The following ATF2 variants were observed in gnomAD, a reference collection of about 807,000 sequenced individuals.
The protein encoded by ATF2 is activating transcription factor 2.
In ATF2, 24 loss-of-function variants were observed where a neutral mutation model predicts 60.6. The ratio of observed to expected loss-of-function variants is 0.40; its 90% CI spans 0.29 to 0.56. The LOEUF (loss-of-function observed/expected upper bound fraction) is 0.56, where lower values mean the gene tolerates loss of function less well. Ranked by LOEUF, ATF2 falls within the 20% of genes least tolerant of loss-of-function variation. The pLI, the probability that ATF2 is intolerant of heterozygous loss-of-function variation, is 0.54. For missense variants in ATF2, 433 were observed against 607.7 expected (o/e 0.71, Z 3.02); for synonymous variants, 206 against 215.4 (o/e 0.96, Z 0.38).
intron 10 of ATF2, among the ~76,000 whole-genome samples, chr2:175,110,753 G>A (rs1336493191): frequency 3.9e-5 from 6 of 152,056 alleles, no homozygotes; most frequent in Admixed American, 3.9e-4. Context: ...TTACAGGCAT[G>A]CACCACCACG....
At chr2:175,114,269 T>A (rs182427) in intron 8 of ATF2, 161 bp from the exon 9 acceptor site, 121,009 of 1,389,204 alleles carry the variant, frequency 0.087, 5,701 homozygotes, top group Middle Eastern at 0.16. Flanking sequence ...TAATTGCATC[T>A]TAAATGCATA....
rs540139790 is a variant in ATF2, at chr2:175,075,068, T to C, written c.1292-233A>G. ...TCTGGGTGCCCACTGCCTTATGGAA[T>C]AGAGCTGAAGAAATATTTGCTAAAT... On this transcript the variant is annotated intron_variant, in intron 13 of 13. Coordinates refer to ENST00000264110, the MANE Select transcript of ATF2 (RefSeq NM_001880.4). 4 of 1,367,744 alleles carry C rather than the reference T, an allele frequency of 2.9e-6. No individual in the cohort carries two copies. In the South Asian group the frequency reaches 6.1e-5, roughly 21 times the overall value. 84.7% of individuals were successfully genotyped at this position (1,367,744 alleles called of 1,614,324 possible). A position where few individuals can be genotyped will look rare whatever the true frequency, so the allele number is the denominator to read the frequency against.
chr2:175,117,154 T>C (rs1293126660), intron 7 of ATF2, among the ~76,000 whole-genome samples: 2 of 151,946 alleles, frequency 1.3e-5, no homozygotes, highest in African/African-American at 2.4e-5. Context: ...ATAGGTGATT[T>C]TGGTTTTCTT....
intron 12 of ATF2, among the ~76,000 whole-genome samples, chr2:175,088,459 T>A (rs1439405947): frequency 1.3e-5 from 2 of 152,152 alleles, no homozygotes; most frequent in South Asian, 4.2e-4. Flanking sequence ...TCCACATCAT[T>A]AACTTATGAG....
intron 1 of ATF2, among the ~76,000 whole-genome samples, chr2:175,154,919 T>C (rs1456484907): frequency 6.6e-6 from 1 of 152,220 alleles, no homozygotes; most frequent in African/African-American, 2.4e-5. Context: ...TAATCCTCTC[T>C]TGGGCATGGC....
Position 175,107,027 on chromosome 2 carries a change from A to C in ATF2, c.828+4541T>G, listed in dbSNP as rs1695720301. Reference sequence around the variant, plus strand: ...GTAGTCCCAGCTACTTGAGGGGCTAAGGCAGGAGGATCACTTGAGGCTGGG... The same window carrying C: ...GTAGTCCCAGCTACTTGAGGGGCTACGGCAGGAGGATCACTTGAGGCTGGG... On this transcript the variant is annotated intron_variant, in intron 10 of 13. Transcript: ENST00000264110. 2.6e-5 allele frequency among the ~76,000 whole-genome samples: 4 copies of C among 152,068 alleles called. 1 individual carries two copies. In the South Asian group the frequency reaches 8.3e-4, roughly 32 times the overall value.
At chr2:175,167,575 A>G (rs1477901169) in intron 1 of ATF2, 2 of 471,314 alleles carry the variant, frequency 4.2e-6, no homozygotes, top group African/African-American at 2.0e-5. Context: ...ACGGTCCTCA[A>G]TCGCTTGAAT....
In ATF2 at chr2:175,130,390, G is replaced by A. The variant is rs146683484; in HGVS notation, c.33-183C>T. ...AGAGTAGATAAAATACATGTAACAT[G>A]CAGATTTTGCACTATAGGAAAAAGG... is the stretch of plus-strand genomic sequence containing the variant. On this transcript the variant is annotated intron_variant, in intron 3 of 13. Transcript: ENST00000264110. 6.5e-3 allele frequency among the ~76,000 whole-genome samples: 989 copies of A among 152,050 alleles called. 4 individuals carry two copies. The highest frequency in any genetic ancestry group is 0.014 in the Middle Eastern group (4 of 294).
chr2:175,140,999 GAAAAAAAAAAAAAAAAAA>G (rs869208203), intron 2 of ATF2, among the ~76,000 whole-genome samples: 2 of 26,762 alleles, frequency 7.5e-5, no homozygotes, highest in East Asian at 1.3e-3. Context: ...CCTATCTCAG[GAAAAAAAAAAAAAAAAAA>G]AAAAAAAAAA....
chr2:175,108,471 AG>A (rs1356583779), intron 10 of ATF2, among the ~76,000 whole-genome samples: 4 of 136,178 alleles, frequency 2.9e-5, no homozygotes, highest in African/African-American at 8.6e-5. Context: ...GTGGGGGGTC[AG>A]CCCCCGCCCG....
chr2:175,167,986 G>C (rs1700485898), intron 1 of ATF2, 64 bp downstream of exon 1: 2 of 326,650 alleles, frequency 6.1e-6, no homozygotes, highest in Non-Finnish European at 1.2e-5. Context: ...CGCCATGTTA[G>C]CGCCTTCTTT....
chr2:175,124,876 T>C (rs1228848634), intron 4 of ATF2, among the ~76,000 whole-genome samples: 1 of 152,016 alleles, frequency 6.6e-6, no homozygotes, highest in African/African-American at 2.4e-5. Context: ...CACCAAATTA[T>C]CTCAGTGTCT....
At chr2:175,153,415 G>T (rs1349968934) in intron 1 of ATF2, among the ~76,000 whole-genome samples, 1 of 152,116 alleles carries the variant, frequency 6.6e-6, no homozygotes, top group East Asian at 1.9e-4. Flanking sequence ...ATAGCCTATT[G>T]CTCCTAGGCT....
intron 10 of ATF2, among the ~76,000 whole-genome samples, chr2:175,106,764 A>T (rs1027093216): frequency 2.0e-5 from 3 of 152,174 alleles, no homozygotes; most frequent in Non-Finnish European, 4.4e-5. Flanking sequence ...TGAACCCTGG[A>T]GGCAGAGGTT....
chr2:175,080,900 T>G (rs917258307), intron 12 of ATF2, 135 bp from the exon 13 acceptor site: 1 of 615,966 alleles, frequency 1.6e-6, no homozygotes, highest in Admixed American at 2.9e-5. Context: ...GCTGATTAAA[T>G]ATGTCTAATC....
chr2:175,100,837 C>A (rs879898573), intron 10 of ATF2, among the ~76,000 whole-genome samples: 3 of 152,210 alleles, frequency 2.0e-5, no homozygotes, highest in Admixed American at 2.0e-4. Flanking sequence ...AGGTCCCATT[C>A]CAGCCAATGG....
intron 10 of ATF2, among the ~76,000 whole-genome samples, chr2:175,104,829 C>A (rs1408327513): frequency 6.7e-6 from 1 of 149,324 alleles, no homozygotes; most frequent in East Asian, 1.9e-4. Flanking sequence ...CAAGTATAAT[C>A]TAATCTAACT....
chr2:175,123,493 T>G (rs985423254), intron 4 of ATF2, among the ~76,000 whole-genome samples: 1 of 152,062 alleles, frequency 6.6e-6, no homozygotes, highest in East Asian at 1.9e-4. Context: ...TGGAATGTTG[T>G]CGCCTAGGAA....
intron 2 of ATF2, among the ~76,000 whole-genome samples, chr2:175,146,080 T>C (rs967812654): frequency 5.9e-5 from 9 of 152,106 alleles, no homozygotes; most frequent in Admixed American, 3.9e-4. Flanking sequence ...GTGCCACTGA[T>C]AGAATGTAAT....
Sources: allele counts gnomAD v4.1 joint callset (sites outside exome capture counted in the v4.1 genomes callset), GRCh38; gene constraint gnomAD v4.1.1; transcripts MANE v1.5; gene names NCBI Gene and HGNC (gene_info 2026-07-23, HGNC 2026-07-21).